The following AGMO variants were observed in gnomAD, a reference collection of about 807,000 sequenced individuals.
AGMO encodes glyceryl-ether monooxygenase.
Under a neutral mutation model 60.2 loss-of-function variants are expected in AGMO, and 75 were observed. That is an observed-to-expected ratio of 1.25 (90% CI 1.03 to 1.51). AGMO has a LOEUF of 1.51. Among genes scored for constraint, AGMO ranks in the 40% most tolerant of loss-of-function variants. The probability of loss-of-function intolerance (pLI) is 0.00; values close to 1 mark genes in which losing one functional copy is unlikely to be tolerated. For missense variants in AGMO, 763 were observed against 525.5 expected (o/e 1.45, Z -4.42); for synonymous variants, 261 against 177.1 (o/e 1.47, Z -3.76).
At chr7:15,339,514 G>C (rs1323604110) in intron 12 of AGMO, among the ~76,000 whole-genome samples, 2 of 152,156 alleles carry the variant, frequency 1.3e-5, no homozygotes, top group Non-Finnish European at 2.9e-5. Flanking sequence ...TGTCAGAAGA[G>C]TCTGCTCCAA....
chr7:15,555,330 C>G (rs1233030772), intron 2 of AGMO, among the ~76,000 whole-genome samples: 8 of 141,950 alleles, frequency 5.6e-5, no homozygotes, highest in Admixed American at 2.1e-4. Context: ...CACACACACA[C>G]ACACACATAT....
At chr7:15,379,200 G>T (rs934978612) in intron 10 of AGMO, among the ~76,000 whole-genome samples, 1 of 151,852 alleles carries the variant, frequency 6.6e-6, no homozygotes, top group South Asian at 2.1e-4. Context: ...CTAGTATCAC[G>T]ACTAAATAAC....
intron 10 of AGMO, among the ~76,000 whole-genome samples, chr7:15,367,838 CCTTT>C (rs1332556960): frequency 2.0e-5 from 3 of 152,064 alleles, no homozygotes; most frequent in African/African-American, 7.2e-5. Flanking sequence ...AGCACTCTTT[CCTTT>C]GTTTCCCCTT....
chr7:15,410,302 A>G (rs1441844235), intron 5 of AGMO, among the ~76,000 whole-genome samples: 1 of 151,940 alleles, frequency 6.6e-6, no homozygotes, highest in Admixed American at 6.6e-5. Context: ...ATGTCTGTGG[A>G]CCACAATAAT....
chr7:15,264,805 A>G (rs1346286979), intron 12 of AGMO, among the ~76,000 whole-genome samples: 1 of 152,144 alleles, frequency 6.6e-6, no homozygotes, highest in African/African-American at 2.4e-5. Flanking sequence ...GACTGGGGAG[A>G]AAAGGAAACA....
chr7:15,449,009 A>C (rs2128504795), intron 3 of AGMO, among the ~76,000 whole-genome samples: 1 of 152,294 alleles, frequency 6.6e-6, no homozygotes, highest in Middle Eastern at 3.4e-3. Flanking sequence ...ATTTGGCACC[A>C]GAGCTGGCAT....
intron 3 of AGMO, among the ~76,000 whole-genome samples, chr7:15,446,496 C>T (rs545285441): frequency 2.0e-3 from 300 of 152,278 alleles, no homozygotes; most frequent in African/African-American, 6.8e-3. Context: ...AGAAGATTAA[C>T]TGTACCCAAA....
At position 15,282,057 on chromosome 7, in the gene AGMO, A is replaced by G. The variant is rs548314966; in HGVS notation, c.1264-80698T>C. Among the ~76,000 whole-genome samples, 2 of 152,282 alleles carry G rather than the reference A, an allele frequency of 1.3e-5. 1 individual carries two copies. Among genetic ancestry groups the G allele is most frequent in the African/African-American group, 4.8e-5 (2 of 41,576 alleles). On this transcript the variant is annotated intron_variant, in intron 12 of 12. Transcript: ENST00000342526. ...AATTCACATCTCCAAGGAAAAATAA[A>G]GAAATTTTAAAAAACAATAAAATCA...
At chr7:15,122,309 C>T in the AGMO span, among the ~76,000 whole-genome samples, 2 of 152,228 alleles carry the variant, frequency 1.3e-5, no homozygotes, top group East Asian at 3.9e-4. Context: ...TTCCCAACCC[C>T]TTAATGTCAG....
At chr7:15,177,479 C>CT in the AGMO span, among the ~76,000 whole-genome samples, 1 of 152,058 alleles carries the variant, frequency 6.6e-6, no homozygotes, top group Admixed American at 6.6e-5. Flanking sequence ...ACCTCAATCT[C>CT]TAATTTTTTA....
chr7:15,186,093 T>C, the AGMO span, among the ~76,000 whole-genome samples: 2 of 152,206 alleles, frequency 1.3e-5, no homozygotes, highest in Non-Finnish European at 2.9e-5. Flanking sequence ...TCTCAATACC[T>C]TGGCCATTGC....
intron 5 of AGMO, among the ~76,000 whole-genome samples, chr7:15,417,211 G>T (rs1418737856): frequency 2.0e-5 from 3 of 152,148 alleles, no homozygotes; most frequent in African/African-American, 7.2e-5. Context: ...TGTAACACAA[G>T]GGGGAGGTTC....
Position 15,201,179 on chromosome 7 carries a change from GA to G in AGMO, c.*105del. 1.6e-6 allele frequency: 1 copy of G among 612,988 alleles called. No individual in the cohort carries two copies. The highest frequency in any genetic ancestry group is 2.6e-6 in the Non-Finnish European group (1 of 382,562). The allele number at this position is 612,988 out of a possible 1,614,324, so 38.0% of individuals were successfully genotyped here. ...ATAAGTAATTTTACTTTTCATTGAAGAAATAGTTCATATAAGCATTACATAA... is the reference window on the plus strand; with the variant it reads ...ATAAGTAATTTTACTTTTCATTGAAGAATAGTTCATATAAGCATTACATAA... On this transcript the variant is annotated 3_prime_UTR_variant, in exon 13 of 13. Coordinates refer to ENST00000342526, the MANE Select transcript of AGMO (RefSeq NM_001004320.2).
the AGMO span, among the ~76,000 whole-genome samples, chr7:15,172,629 A>G: frequency 6.6e-6 from 1 of 152,020 alleles, no homozygotes; most frequent in African/African-American, 2.4e-5. Context: ...AGTGAGAGAG[A>G]CCCAGAAGAG....
intron 12 of AGMO, among the ~76,000 whole-genome samples, chr7:15,363,823 C>T (rs1782857644): frequency 6.6e-6 from 1 of 152,064 alleles, no homozygotes; most frequent in Non-Finnish European, 1.5e-5. Flanking sequence ...TAAACTATCA[C>T]CATAAACCTA....
intron 12 of AGMO, among the ~76,000 whole-genome samples, chr7:15,214,530 C>G (rs1188315754): frequency 2.0e-5 from 3 of 151,910 alleles, no homozygotes; most frequent in African/African-American, 7.3e-5. Context: ...AACCATTGTG[C>G]AAGGCTGAGG....
chr7:15,264,246 A>G (rs953590207), intron 12 of AGMO, among the ~76,000 whole-genome samples: 2 of 151,908 alleles, frequency 1.3e-5, no homozygotes, highest in African/African-American at 4.8e-5. Flanking sequence ...AAAGCTTAAA[A>G]TATATATTTT....
intron 12 of AGMO, among the ~76,000 whole-genome samples, chr7:15,337,206 C>T (rs1285815806): frequency 6.6e-6 from 1 of 152,128 alleles, no homozygotes; most frequent in Non-Finnish European, 1.5e-5. Flanking sequence ...CATGACCACT[C>T]TTTCTAAATT....
chr7:15,214,762 G>A (rs938344931), intron 12 of AGMO, among the ~76,000 whole-genome samples: 4 of 151,910 alleles, frequency 2.6e-5, no homozygotes, highest in African/African-American at 9.7e-5. Context: ...AAAAAAGAGT[G>A]GAATACACCT....
Sources: allele counts gnomAD v4.1 joint callset (sites outside exome capture counted in the v4.1 genomes callset), GRCh38; gene constraint gnomAD v4.1.1; transcripts MANE v1.5; gene names NCBI Gene and HGNC (gene_info 2026-07-23, HGNC 2026-07-21).